Variants in SPEF2 observed in about 807,000 individuals in gnomAD.
SPEF2 encodes the protein sperm flagella and cilia-associated protein 2.
In SPEF2, 187 loss-of-function variants were observed where a neutral mutation model predicts 224.6. That is an observed-to-expected ratio of 0.83 (90% CI 0.74 to 0.94). SPEF2 has a LOEUF of 0.94. Ranked by LOEUF, SPEF2 falls within the 40% of genes least tolerant of loss-of-function variation. The probability of loss-of-function intolerance (pLI) is 0.00; values close to 1 mark genes in which losing one functional copy is unlikely to be tolerated. For synonymous variants in SPEF2, 715 were observed against 707.3 expected (o/e 1.01, Z -0.17); for missense variants, 2,170 against 2,135.6 (o/e 1.02, Z -0.32).
chr5:35,619,997 G>A (rs1267617256), intron 1 of SPEF2, among the ~76,000 whole-genome samples: 1 of 151,966 alleles, frequency 6.6e-6, no homozygotes. Context: ...CCGTTCTAAT[G>A]GAGTATTCTG....
intron 2 of SPEF2, among the ~76,000 whole-genome samples, chr5:35,637,705 C>A (rs1746036484): frequency 6.6e-6 from 1 of 152,178 alleles, no homozygotes; most frequent in Non-Finnish European, 1.5e-5. Flanking sequence ...TCATATCACA[C>A]ATCTCTTCCT....
At chr5:35,788,647 C>G in intron 30 of SPEF2, 1 of 702,982 alleles carries the variant, frequency 1.4e-6, no homozygotes, top group Non-Finnish European at 2.6e-6. Context: ...CGAGCCAAGA[C>G]TGGGCAAAGA....
chr5:35,641,305 G>C, intron 2 of SPEF2, 126 bp from the exon 3 acceptor site: 1 of 1,113,070 alleles, frequency 9.0e-7, no homozygotes, highest in Non-Finnish European at 1.3e-6. Flanking sequence ...GTTTTAGAGA[G>C]GAATGATACA....
At chr5:35,813,799 A>G (rs192256406) in intron 36 of SPEF2, among the ~76,000 whole-genome samples, 6 of 151,472 alleles carry the variant, frequency 4.0e-5, no homozygotes, top group South Asian at 4.2e-4. Flanking sequence ...AAAGGAACTT[A>G]TATTGTTAAA....
At position 35,683,024 on chromosome 5, in the gene SPEF2, T is replaced by C. The variant is rs561010008; in HGVS notation, c.1525-8013T>C. ...TGTTTGCTTCCAAGCAGATTCTGTTTGTAAATACTTGTGATTCTATTAGCC... is the reference window on the plus strand; with the variant it reads ...TGTTTGCTTCCAAGCAGATTCTGTTCGTAAATACTTGTGATTCTATTAGCC... On this transcript the variant is annotated intron_variant, in intron 10 of 36. Transcript: ENST00000356031. 6.6e-5 allele frequency among the ~76,000 whole-genome samples: 10 copies of C among 152,272 alleles called. No individual in the cohort carries two copies. In the South Asian group the frequency reaches 1.9e-3, roughly 28 times the overall value.
intron 2 of SPEF2, among the ~76,000 whole-genome samples, chr5:35,629,541 T>C (rs182429753): frequency 1.6e-4 from 24 of 152,298 alleles, no homozygotes; most frequent in Admixed American, 6.5e-5. Context: ...TTTAAAAATA[T>C]AAAATAGAAC....
chr5:35,639,589 T>G (rs1357045605), intron 2 of SPEF2, among the ~76,000 whole-genome samples: 2 of 152,168 alleles, frequency 1.3e-5, no homozygotes, highest in African/African-American at 4.8e-5. Flanking sequence ...CTAAGAATAC[T>G]CATCTAACTC....
At chr5:35,807,582 C>A (rs746244740) in intron 36 of SPEF2, 1 of 1,461,924 alleles carries the variant, frequency 6.8e-7, no homozygotes, top group Non-Finnish European at 9.3e-7. Flanking sequence ...GAGAACTAAC[C>A]AAGACCATGA....
At chr5:35,736,947 C>T (rs1444521733) in intron 21 of SPEF2, among the ~76,000 whole-genome samples, 2 of 152,032 alleles carry the variant, frequency 1.3e-5, no homozygotes, top group African/African-American at 4.8e-5. Context: ...TTGCCATGAC[C>T]TTTTCTCTTG....
intron 21 of SPEF2, among the ~76,000 whole-genome samples, chr5:35,731,510 T>C (rs1373505309): frequency 1.4e-5 from 2 of 146,092 alleles, no homozygotes; most frequent in African/African-American, 5.0e-5. Flanking sequence ...GCAAGCTTCA[T>C]TGGATTTTTT....
chr5:35,793,058 T>C (rs1293406054), intron 31 of SPEF2, 101 bp from the exon 32 acceptor site: 2 of 1,106,062 alleles, frequency 1.8e-6, no homozygotes, highest in East Asian at 2.5e-5. Flanking sequence ...TGAAAAGTCC[T>C]ACTTCTTTCA....
intron 21 of SPEF2, among the ~76,000 whole-genome samples, chr5:35,728,965 G>C (rs1245255562): frequency 6.6e-6 from 1 of 151,988 alleles, no homozygotes; most frequent in Non-Finnish European, 1.5e-5. Flanking sequence ...GATACAATAT[G>C]GTAAGTGATG....
chr5:35,631,033 A>C (rs1451481216), intron 2 of SPEF2, among the ~76,000 whole-genome samples: 1 of 152,208 alleles, frequency 6.6e-6, no homozygotes, highest in Admixed American at 6.5e-5. Flanking sequence ...CCATTTTCAC[A>C]CTGCTGATAA....
chr5:35,708,844 A>C, intron 18 of SPEF2, 104 bp from the exon 19 acceptor site: 1 of 1,076,386 alleles, frequency 9.3e-7, no homozygotes, highest in South Asian at 1.7e-5. Context: ...TTAGCTTTAA[A>C]TACGTAAGAT....
At chr5:35,653,910 G>A (rs545319059) in intron 6 of SPEF2, among the ~76,000 whole-genome samples, 1 of 135,156 alleles carries the variant, frequency 7.4e-6, no homozygotes, top group East Asian at 2.3e-4. Flanking sequence ...TCGCACCACT[G>A]CACTCCAGCC....
chr5:35,791,475 CTAT>C (rs1755946387), intron 30 of SPEF2: 1 of 152,108 alleles, frequency 6.6e-6, no homozygotes, highest in East Asian at 1.9e-4. Context: ...GATAGTGTGT[CTAT>C]GTTTCATTCT....
chr5:35,708,019 T>G (rs62351900), intron 18 of SPEF2, among the ~76,000 whole-genome samples: 20,727 of 152,162 alleles, frequency 0.14, 2,055 homozygotes, highest in East Asian at 0.52. Flanking sequence ...CACTAGAACG[T>G]AAGCTTCATA....
At chr5:35,737,418 G>A (rs1460885075) in intron 21 of SPEF2, among the ~76,000 whole-genome samples, 1 of 131,304 alleles carries the variant, frequency 7.6e-6, no homozygotes, top group East Asian at 2.3e-4. Flanking sequence ...CTGTGTCCAA[G>A]TGTTCTCATT....
chr5:35,617,983 G>T lies in SPEF2; in HGVS notation c.-15G>T, dbSNP rs376975511. 1.4e-5 allele frequency: 22 copies of T among 1,572,090 alleles called. No individual in the cohort carries two copies. The highest frequency in any genetic ancestry group is 1.8e-5 in the Non-Finnish European group (21 of 1,156,180). ...TTCTAAGCCCCCGCCTGCGGTCTGA[G>T]GCACCGGCTGAACCATGTCGGAGAT... On this transcript the variant is annotated 5_prime_UTR_variant, in exon 1 of 37. In the 5' UTR this introduces an upstream ATG that the reference lacks. Transcript: ENST00000356031.
Sources: gnomAD v4.1 joint callset for allele counts (sites outside exome capture counted in the v4.1 genomes callset) on GRCh38, gnomAD v4.1.1 for gene constraint, MANE v1.5 for transcripts, NCBI Gene and HGNC (gene_info 2026-07-23, HGNC 2026-07-21) for gene names.